CEP128: variants seen among roughly 807,000 people sequenced by gnomAD.
CEP128 encodes centrosomal protein 128, also known as centrosomal protein 128kDa.
CEP128 carries 132 observed loss-of-function variants against 156.7 expected under a neutral mutation model. That is an observed-to-expected ratio of 0.84 (90% CI 0.73 to 0.97). CEP128 has a LOEUF of 0.97. Among genes scored for constraint, CEP128 ranks in the 50% least tolerant of loss-of-function variants. CEP128 has a pLI of 0.00. For synonymous variants in CEP128, 469 were observed against 448.9 expected, an observed-to-expected ratio of 1.04 and a Z score of -0.57; for missense variants, 1,252 against 1,281.9, an observed-to-expected ratio of 0.98 and a Z score of 0.36.
At chr14:80,731,212 T>C (rs775514683) in intron 19 of CEP128, among the ~76,000 whole-genome samples, 1 of 152,186 alleles carries the variant, frequency 6.6e-6, no homozygotes, top group Non-Finnish European at 1.5e-5. Context: ...TGACAGAGTA[T>C]TGCTGGTTTA....
intron 19 of CEP128, among the ~76,000 whole-genome samples, chr14:80,651,572 C>G (rs537960277): frequency 2.6e-4 from 40 of 152,246 alleles, no homozygotes; most frequent in African/African-American, 9.1e-4. Context: ...AAATTTCCCT[C>G]TAAACACTGC....
At chr14:80,809,625 T>C (rs901763160) in intron 13 of CEP128, among the ~76,000 whole-genome samples, 1 of 152,068 alleles carries the variant, frequency 6.6e-6, no homozygotes. Context: ...GAGGAAAGCA[T>C]CTAATCACTT....
intron 22 of CEP128, 170 bp from the exon 23 acceptor site, chr14:80,527,152 C>T: frequency 1.8e-6 from 1 of 559,078 alleles, no homozygotes; most frequent in South Asian, 2.1e-5. Context: ...AAGAAGGCTA[C>T]ACACAGTGGC....
At chr14:80,479,412 T>C (rs1449261637) in intron 14 of CEP128, among the ~76,000 whole-genome samples, 1 of 152,062 alleles carries the variant, frequency 6.6e-6, no homozygotes, top group African/African-American at 2.4e-5. Flanking sequence ...GGCCTCAGAA[T>C]CATGGTGGGA....
chr14:80,480,551 G>A (rs1887032242), intron 14 of CEP128, among the ~76,000 whole-genome samples: 1 of 152,102 alleles, frequency 6.6e-6, no homozygotes, highest in South Asian at 2.1e-4. Context: ...TTTTCCTCCT[G>A]GGCCTGCAGG....
At chr14:80,668,518 T>A (rs1440019717) in intron 19 of CEP128, among the ~76,000 whole-genome samples, 1 of 152,064 alleles carries the variant, frequency 6.6e-6, no homozygotes, top group South Asian at 2.1e-4. Flanking sequence ...AAAAGAGAGA[T>A]TGTTAAAAAT....
At chr14:80,710,061 AT>A (rs1274375106) in intron 19 of CEP128, among the ~76,000 whole-genome samples, 8 of 151,326 alleles carry the variant, frequency 5.3e-5, no homozygotes, top group African/African-American at 2.0e-4. Context: ...TTTTGAGGAT[AT>A]GAGGATATGA....
At chr14:80,733,694 G>C (rs1041367369) in intron 19 of CEP128, among the ~76,000 whole-genome samples, 3 of 152,016 alleles carry the variant, frequency 2.0e-5, no homozygotes, top group Non-Finnish European at 4.4e-5. Flanking sequence ...GTTTTACATA[G>C]AATATGTTGA....
chr14:80,506,495 A>G lies in CEP128; in HGVS notation c.3073-1475T>C, dbSNP rs191836022. On this transcript the variant is annotated intron_variant, in intron 23 of 24. Transcript: ENST00000555265. ...AGGATTGAAGGATGAATATCAGTTA[A>G]GACCATAACTGAGGATAACAGCAGG... Among the ~76,000 whole-genome samples the G allele has an allele frequency of 8.4e-3, 1,279 of 151,968 alleles. 3 individuals are homozygous for G. Among genetic ancestry groups the G allele is most frequent in the Non-Finnish European group, 0.014 (936 of 67,982 alleles).
intron 19 of CEP128, among the ~76,000 whole-genome samples, chr14:80,684,980 C>G (rs1896470213): frequency 6.6e-6 from 1 of 152,240 alleles, no homozygotes; most frequent in Non-Finnish European, 1.5e-5. Context: ...GCCAAACTCA[C>G]AGTCAACATC....
At chr14:80,832,179 C>T (rs1885839055) in intron 12 of CEP128, among the ~76,000 whole-genome samples, 1 of 152,168 alleles carries the variant, frequency 6.6e-6, no homozygotes, top group Admixed American at 6.5e-5. Flanking sequence ...GCCTCTCCAG[C>T]CACGTGGAAC....
chr14:80,730,512 G>T, intron 19 of CEP128, among the ~76,000 whole-genome samples: 1 of 152,184 alleles, frequency 6.6e-6, no homozygotes, highest in East Asian at 1.9e-4. Flanking sequence ...ACAGGGAAAA[G>T]GAGGAAGAAA....
chr14:80,927,244 G>A (rs1423583772), intron 2 of CEP128, among the ~76,000 whole-genome samples: 2 of 152,178 alleles, frequency 1.3e-5, no homozygotes, highest in Non-Finnish European at 2.9e-5. Flanking sequence ...TTCCACTTGT[G>A]GGAAGTTTCT....
intron 19 of CEP128, among the ~76,000 whole-genome samples, chr14:80,681,730 C>T (rs1263807805): frequency 6.6e-6 from 1 of 152,206 alleles, no homozygotes; most frequent in Admixed American, 6.5e-5. Context: ...TTTCCTGAGG[C>T]CTATCCAGCC....
chr14:80,894,580 TA>T, intron 8 of CEP128: 1 of 463,730 alleles, frequency 2.2e-6, no homozygotes, highest in Non-Finnish European at 4.3e-6. Context: ...TATTCCACAT[TA>T]GATACCACAT....
chr14:80,491,202 A>T (rs946597261), intron 6 of CEP128, among the ~76,000 whole-genome samples: 8 of 152,172 alleles, frequency 5.3e-5, no homozygotes, highest in Admixed American at 3.9e-4. Flanking sequence ...CTAACCTCAC[A>T]AAAGACTTCT....
At chr14:80,767,229 G>A (rs1210691052) in intron 16 of CEP128, among the ~76,000 whole-genome samples, 3 of 152,016 alleles carry the variant, frequency 2.0e-5, no homozygotes, top group African/African-American at 4.8e-5. Context: ...GGATACTATA[G>A]GAAACTTGGA....
chr14:80,813,822 T>C (rs1302524107), intron 13 of CEP128, among the ~76,000 whole-genome samples: 1 of 152,176 alleles, frequency 6.6e-6, no homozygotes, highest in East Asian at 1.9e-4. Context: ...TTTTATCCTA[T>C]ATATTGAACT....
chr14:80,709,267 T>C (rs2139401789), intron 19 of CEP128, among the ~76,000 whole-genome samples: 1 of 151,852 alleles, frequency 6.6e-6, no homozygotes, highest in African/African-American at 2.4e-5. Flanking sequence ...GCCTCCCGAG[T>C]AGCTGGGATT....
Sources: allele counts gnomAD v4.1 joint callset (sites outside exome capture counted in the v4.1 genomes callset), GRCh38; gene constraint gnomAD v4.1.1; transcripts MANE v1.5; gene names NCBI Gene and HGNC (gene_info 2026-07-23, HGNC 2026-07-21).